MZF1: variants seen among roughly 807,000 people sequenced by gnomAD.
The protein encoded by MZF1 is zinc finger and SCAN domain-containing protein 6.
A neutral mutation model predicts 28.6 loss-of-function variants in MZF1; 24 were observed. The observed-to-expected ratio is 0.84, with a 90% CI of 0.61 to 1.18. The LOEUF (loss-of-function observed/expected upper bound fraction) is 1.18. Ranked by LOEUF, MZF1 falls within the 50% of genes most tolerant of loss-of-function variation. MZF1 has a pLI of 0.00. For missense variants in MZF1, 1,166 were observed against 1,026.4 expected, an observed-to-expected ratio of 1.14 and a Z score of -1.86; for synonymous variants, 516 against 432.5, an observed-to-expected ratio of 1.19 and a Z score of -2.40.
At chr19:58,570,960 C>T (rs2054148650) in intron 2 of MZF1, 34 bp downstream of exon 2, 2 of 1,563,748 alleles carry the variant, frequency 1.3e-6, no homozygotes, top group African/African-American at 1.4e-5. Flanking sequence ...GATGATGCTC[C>T]AGTCCTGAAC....
chr19:58,562,675 C>T lies in MZF1; in HGVS notation c.1602G>A (p.Val534=), dbSNP rs1475468361. 1 of 1,539,750 alleles carries T rather than the reference C, an allele frequency of 6.5e-7. No individual in the cohort carries two copies. Residue 534 remains valine, a synonymous_variant, in exon 6 of 6, where the codon GTG becomes GTA. Transcript: ENST00000215057. ...AGGCGAAGGGCCGCTCGCCACTGTG[C>T]ACGCGCCGGTGCTGCAGCAGCACTG... ...RRSVLLQHRR[V]HSGERPFACA...
chr19:58,570,631 C>T, intron 2 of MZF1, 104 bp from the exon 3 acceptor site: 1 of 1,262,308 alleles, frequency 7.9e-7, no homozygotes, highest in Non-Finnish European at 1.1e-6. Context: ...AGGGGCCTGC[C>T]TTGTAAATAC....
intron 5 of MZF1, among the ~76,000 whole-genome samples, chr19:58,567,524 G>A (rs949158734): frequency 6.6e-6 from 1 of 152,270 alleles, no homozygotes; most frequent in East Asian, 1.9e-4. Context: ...GCTGGCAGGA[G>A]GCTGAAGTTA....
chr19:58,565,871 T>G (rs535021832), intron 5 of MZF1, among the ~76,000 whole-genome samples: 2 of 139,740 alleles, frequency 1.4e-5, no homozygotes, highest in Admixed American at 7.1e-5. Context: ...CTGGGCACGG[T>G]GGCTCACGCC....
At position 58,569,338 on chromosome 19, in the gene MZF1, G is replaced by A. The variant is rs367707191; in HGVS notation, c.711C>T (p.Pro237=). The A allele has an allele frequency of 9.5e-5, 153 of 1,613,732 alleles. No homozygotes were observed. Among genetic ancestry groups the A allele is most frequent in the Middle Eastern group, 1.7e-4 (1 of 6,054 alleles). ...GGGCCCTGGGGTGCTCCCTCCATGA[G>A]GGACCCTCAGGCCCAGTCTTGCTGT... is the stretch of plus-strand genomic sequence containing the variant. The part of the protein sequence containing the change: ...FPHSKTGPEG[P]SWREHPRALW... Residue 237 remains proline (P), a synonymous_variant, in exon 5 of 6, where the codon CCC becomes CCT. Coordinates refer to ENST00000215057, the MANE Select transcript of MZF1 (RefSeq NM_198055.2).
Position 58,562,644 on chromosome 19 carries a change from C to T in MZF1, c.1633G>A (p.Glu545Lys), listed in dbSNP as rs1461934076. The change falls in exon 6 of 6, where the codon GAG (glutamate) becomes AAG (lysine). Residue 545 changes from glutamate (E) to lysine (K), a missense_variant. By Grantham distance (56) the Glu-to-Lys change is moderately conservative. Transcript: ENST00000215057. ...HSGERPFACA[E>K]CGQSFRQRSN... ...CGCTGCCGGAAGCTCTGGCCGCACT[C>T]GGCACAGGCGAAGGGCCGCTCGCCA... 6.4e-7 allele frequency: 1 copy of T among 1,553,948 alleles called. No individual in the cohort carries two copies. Among genetic ancestry groups the T allele is most frequent in the Non-Finnish European group, 8.7e-7 (1 of 1,155,512 alleles).
Position 58,570,451 on chromosome 19 carries a change from G to T in MZF1, c.473C>A (p.Thr158Asn). ...EPSSFQPLPETEPPTPEPGPK... is the reference protein window; with the variant it reads ...EPSSFQPLPENEPPTPEPGPK... Reference sequence around the variant, plus strand: ...CCCAGGCTCTGGAGTTGGAGGCTCAGTTTCAGGTAGGGGCTGGAAACTGGA... The same window carrying T: ...CCCAGGCTCTGGAGTTGGAGGCTCATTTTCAGGTAGGGGCTGGAAACTGGA... Residue 158 changes from threonine (T) to asparagine (N), a missense_variant, in exon 3 of 6, where the codon ACT becomes AAT. Transcript: ENST00000215057. 6.2e-7 allele frequency: 1 copy of T among 1,614,014 alleles called. No homozygotes were observed. The highest frequency in any genetic ancestry group is 8.5e-7 in the Non-Finnish European group (1 of 1,179,906).
rs368780458 is a variant in MZF1, at chr19:58,562,435, A to G, written c.1842T>C (p.Arg614=). ...TTTCGCCGGTGTGTGTCCTCTGATG[A>G]CGCGTGAGCTTGAGGCGCTGGCTGA... ...QRFSQRLKLT[R]HQRTHTGEKP... The change falls in exon 6 of 6, where the codon CGT becomes CGC. Residue 614 remains arginine, a synonymous_variant. Coordinates refer to ENST00000215057, the MANE Select transcript of MZF1 (RefSeq NM_198055.2). 12 of 1,605,752 alleles carry G rather than the reference A, an allele frequency of 7.5e-6. No individual in the cohort carries two copies. The African/African-American group carries it at 1.5e-4, about 20-fold the overall frequency.
chr19:58,571,595 G>T, intron 1 of MZF1, 166 bp from the exon 2 acceptor site: 1 of 653,914 alleles, frequency 1.5e-6, no homozygotes, highest in Non-Finnish European at 2.6e-6. Context: ...GCAGCTGGAA[G>T]CCCTCCCTTA....
rs145314624 is a variant in MZF1, at chr19:58,571,068, G to A, written c.322C>T (p.Arg108Trp). 604 of 1,613,266 alleles carry A rather than the reference G, an allele frequency of 3.7e-4. 5 individuals carry two copies. The African/African-American group carries it at 6.9e-3, about 18-fold the overall frequency. The change falls in exon 2 of 6, where the codon CGG (arginine) becomes TGG (tryptophan). Residue 108 changes from arginine (R) to tryptophan (W), a missense_variant. Physicochemically the swap from Arg to Trp is moderately radical, Grantham distance 101. Coordinates refer to ENST00000215057, the MANE Select transcript of MZF1 (RefSeq NM_198055.2). ...PEIQARVQGQRPGSPEEAAAL... is the reference protein window; with the variant it reads ...PEIQARVQGQWPGSPEEAAAL... ...GCAGCCTCCTCGGGGCTGCCTGGCC[G>A]CTGCCCCTGCACACGGGCCTGGATC...
At chr19:58,564,900 GTGTTTTTTTTTTTT>G (rs2054011954) in intron 5 of MZF1, among the ~76,000 whole-genome samples, 4 of 69,354 alleles carry the variant, frequency 5.8e-5, no homozygotes, top group East Asian at 6.4e-4. Flanking sequence ...ATCCATGTGT[GTGTTTTTTTTTTTT>G]TTTTTTTTTT....
At chr19:58,566,574 C>G (rs1467779037) in intron 5 of MZF1, among the ~76,000 whole-genome samples, 1 of 152,130 alleles carries the variant, frequency 6.6e-6, no homozygotes, top group Non-Finnish European at 1.5e-5. Flanking sequence ...ACTGTGTGGC[C>G]CAGGCAGGGA....
At chr19:58,572,419 TGGG>T in intron 1 of MZF1, 1 of 568,648 alleles carries the variant, frequency 1.8e-6, no homozygotes, top group Non-Finnish European at 2.8e-6. Context: ...TCGCAATGGG[TGGG>T]GGGGCGGCAA....
At chr19:58,565,666 G>A (rs1298612485) in intron 5 of MZF1, among the ~76,000 whole-genome samples, 2 of 151,736 alleles carry the variant, frequency 1.3e-5, no homozygotes, top group African/African-American at 2.4e-5. Flanking sequence ...CCGAGTAGAT[G>A]GGACTACAGG....
chr19:58,570,823 T>C, intron 2 of MZF1, 171 bp downstream of exon 2: 2 of 724,082 alleles, frequency 2.8e-6, no homozygotes, highest in Non-Finnish European at 4.5e-6. Flanking sequence ...CTGGGGAGTC[T>C]GGCCCTGGAA....
intron 2 of MZF1, 68 bp from the exon 3 acceptor site, chr19:58,570,595 G>A (rs995404082): frequency 1.3e-6 from 2 of 1,516,324 alleles, no homozygotes; most frequent in Non-Finnish European, 1.8e-6. Flanking sequence ...TGGGGTTTGT[G>A]GGTGCCCATC....
Position 58,562,834 on chromosome 19 carries a change from A to T in MZF1, c.1443T>A (p.Pro481=). ...KPPAPPGAPE[P]PGPFPCSECR... ...ACTCGCTGCACGGAAAGGGGCCGGG[A>T]GGCTCGGGCGCACCAGGAGGGGCCG... Residue 481 remains proline, a synonymous_variant, in exon 6 of 6, where the codon CCT becomes CCA. Transcript: ENST00000215057. 1 of 1,536,126 alleles carries T rather than the reference A, an allele frequency of 6.5e-7. No homozygotes were observed. Among genetic ancestry groups the T allele is most frequent in the Non-Finnish European group, 8.7e-7 (1 of 1,147,400 alleles).
chr19:58,572,517 G>T (rs1304380653), intron 1 of MZF1: 3 of 1,280,718 alleles, frequency 2.3e-6, no homozygotes, highest in South Asian at 1.2e-5. Flanking sequence ...GTGCCTTCGA[G>T]AACTTGTTTC....
chr19:58,564,445 C>T (rs1487292566), intron 5 of MZF1: 4 of 152,150 alleles, frequency 2.6e-5, no homozygotes, highest in Admixed American at 6.6e-5. Flanking sequence ...GATCAATAAC[C>T]TCATAGACAC....
Sources: gnomAD v4.1 joint callset for allele counts (sites outside exome capture counted in the v4.1 genomes callset) on GRCh38, gnomAD v4.1.1 for gene constraint, MANE v1.5 for transcripts, NCBI Gene and HGNC (gene_info 2026-07-23, HGNC 2026-07-21) for gene names.